CNTD1: variants seen among roughly 807,000 people sequenced by gnomAD.
CNTD1 encodes cyclin N-terminal domain-containing protein 1.
CNTD1 carries 17 observed loss-of-function variants against 36.3 expected under a neutral mutation model. The observed-to-expected ratio is 0.47, with a 90% confidence interval of 0.32 to 0.70. The LOEUF is 0.70. Ranked by LOEUF, CNTD1 falls within the 30% of genes least tolerant of loss-of-function variation. The pLI is 0.03. For missense variants in CNTD1, 338 were observed against 386.1 expected (o/e 0.88, Z 1.04); for synonymous variants, 128 against 153.3 (o/e 0.83, Z 1.22).
At position 42,806,704 on chromosome 17, in the gene CNTD1, G is replaced by T; in HGVS notation, c.611G>T (p.Arg204Met). The T allele has an allele frequency of 1.9e-6, 3 of 1,614,122 alleles. No homozygotes were observed. The highest frequency in any genetic ancestry group is 1.7e-6 in the Non-Finnish European group (2 of 1,180,014). ...AATGGCTGTTTGGTTCCAGCCATGAGGCTGCATGCAACCTGCCTGACACTG... is the reference window on the plus strand; with the variant it reads ...AATGGCTGTTTGGTTCCAGCCATGATGCTGCATGCAACCTGCCTGACACTG... ...GYNGCLVPAMRLHATCLTLLD... is the reference protein window; with the variant it reads ...GYNGCLVPAMMLHATCLTLLD... The change falls in exon 5 of 7, where the codon AGG (arginine) becomes ATG (methionine). Residue 204 changes from arginine (R) to methionine (M), a missense_variant. Physicochemically the swap from Arg to Met is moderately conservative, Grantham distance 91. Coordinates refer to ENST00000588408, the MANE Select transcript of CNTD1 (RefSeq NM_173478.3).
intron 5 of CNTD1, among the ~76,000 whole-genome samples, chr17:42,807,079 C>T (rs1319821335): frequency 4.6e-5 from 7 of 152,098 alleles, no homozygotes; most frequent in Admixed American, 3.9e-4. Flanking sequence ...TTTATAGCTG[C>T]ATAAAACTCA....
intron 1 of CNTD1, among the ~76,000 whole-genome samples, chr17:42,801,816 A>G (rs920464679): frequency 6.6e-6 from 1 of 152,008 alleles, no homozygotes; most frequent in Non-Finnish European, 1.5e-5. Flanking sequence ...CTTTGTGTTC[A>G]GGGAATTGGA....
Position 42,803,605 on chromosome 17 carries a change from T to C in CNTD1, c.170-15T>C. On this transcript the variant is annotated splice_polypyrimidine_tract_variant and intron_variant, in intron 1 of 6. Coordinates refer to ENST00000588408, the MANE Select transcript of CNTD1 (RefSeq NM_173478.3). ...TGCATCTTGTGAATTAGGCTCTTTT[T>C]TCCTGTTTTGGCAGAGTTTGTTTTT... The C allele has an allele frequency of 2.5e-6, 4 of 1,611,102 alleles. No homozygotes were observed. In the South Asian group the frequency reaches 4.4e-5, roughly 18 times the overall value.
chr17:42,807,577 T>C (rs1237907078), intron 5 of CNTD1, among the ~76,000 whole-genome samples, 191 bp from the exon 6 acceptor site: 2 of 152,176 alleles, frequency 1.3e-5, no homozygotes, highest in African/African-American at 4.8e-5. Context: ...ATAAGGCTCA[T>C]GTTAATCCCA....
chr17:42,811,230 G>A lies in CNTD1; in HGVS notation c.*1695G>A, dbSNP rs1463109514. 4.1e-5 allele frequency: 13 copies of A among 317,606 alleles called. No homozygotes were observed. The highest frequency in any genetic ancestry group is 1.6e-4 in the East Asian group (3 of 18,784). 19.7% of individuals were successfully genotyped at this position (317,606 alleles called of 1,614,324 possible). A position where few individuals can be genotyped will look rare whatever the true frequency, so the allele number is the denominator to read the frequency against. On this transcript the variant is annotated 3_prime_UTR_variant, in exon 7 of 7. Coordinates refer to ENST00000588408, the MANE Select transcript of CNTD1 (RefSeq NM_173478.3). ...TTTCCTAGGCATCCCTGAACTTGGC[G>A]GGGGAGAAAGGAGGCAGAAGAAAAG...
intron 5 of CNTD1, among the ~76,000 whole-genome samples, chr17:42,807,232 C>T (rs183588253): frequency 9.9e-5 from 15 of 151,940 alleles, no homozygotes; most frequent in Admixed American, 5.2e-4. Context: ...TGGCTAACAG[C>T]GTGAAACCAC....
At chr17:42,806,940 AC>A in intron 5 of CNTD1, 122 bp downstream of exon 5, 1 of 851,382 alleles carries the variant, frequency 1.2e-6, no homozygotes, top group Non-Finnish European at 1.8e-6. Context: ...TACTCAGGCT[AC>A]CTGGTTCTCA....
intron 1 of CNTD1, among the ~76,000 whole-genome samples, chr17:42,800,950 G>A (rs1415459744): frequency 1.3e-5 from 2 of 152,182 alleles, no homozygotes; most frequent in Admixed American, 1.3e-4. Context: ...ACTTTGAGAG[G>A]CTGAGGCGGG....
intron 4 of CNTD1, among the ~76,000 whole-genome samples, chr17:42,806,271 G>A (rs571348247): frequency 1.3e-5 from 2 of 151,926 alleles, no homozygotes; most frequent in East Asian, 3.9e-4. Context: ...ACAGTGGGCA[G>A]AACCTGCCAA....
At chr17:42,806,226 C>CAAAAAA (rs34561225) in intron 4 of CNTD1, among the ~76,000 whole-genome samples, 1,554 of 129,400 alleles carry the variant, frequency 0.012, 21 homozygotes, top group African/African-American at 0.041. Context: ...GACTCCTTCT[C>CAAAAAA]AAAAAAAAAA....
At position 42,805,890 on chromosome 17, in the gene CNTD1, T is replaced by A; in HGVS notation, c.580+6T>A. 1 of 1,607,308 alleles carries A rather than the reference T, an allele frequency of 6.2e-7. No individual in the cohort carries two copies. The highest frequency in any genetic ancestry group is 8.5e-7 in the Non-Finnish European group (1 of 1,177,026). Reference sequence around the variant, plus strand: ...GACGCTCCTAGAGGTTTTAGGTATCTTACTGTGTTAGGGAATATGGGTTGG... The same window carrying A: ...GACGCTCCTAGAGGTTTTAGGTATCATACTGTGTTAGGGAATATGGGTTGG... On this transcript the variant is annotated splice_donor_region_variant and intron_variant, in intron 4 of 6. Transcript: ENST00000588408.
At chr17:42,807,925 C>A in intron 6 of CNTD1, 61 bp downstream of exon 6, 2 of 1,311,848 alleles carry the variant, frequency 1.5e-6, no homozygotes, top group Non-Finnish European at 1.1e-6. Context: ...GCATTTCACC[C>A]ATCAGTTAAA....
intron 1 of CNTD1, among the ~76,000 whole-genome samples, chr17:42,802,252 AAG>A (rs1438414665): frequency 6.6e-6 from 1 of 152,106 alleles, no homozygotes; most frequent in Non-Finnish European, 1.5e-5. Context: ...AGTGATGGGA[AAG>A]AGAGAGGTTA....
At position 42,799,191 on chromosome 17, in the gene CNTD1, G is replaced by C; in HGVS notation, c.124G>C (p.Glu42Gln). The change falls in exon 1 of 7, where the codon GAG (glutamate) becomes CAG (glutamine). Residue 42 changes from glutamate to glutamine, a missense_variant. Coordinates refer to ENST00000588408, the MANE Select transcript of CNTD1 (RefSeq NM_173478.3). ...CCAGCAGAATGAGCAAGCAGTGAGG[G>C]AGGCTTCGGGGCGGCTGGGCCGCTT... ...LAQQNEQAVREASGRLGRFRE... is the reference protein window; with the variant it reads ...LAQQNEQAVRQASGRLGRFRE... 1 of 1,614,126 alleles carries C rather than the reference G, an allele frequency of 6.2e-7. No individual in the cohort carries two copies. Among genetic ancestry groups the C allele is most frequent in the South Asian group, 1.1e-5 (1 of 91,078 alleles).
In CNTD1 at chr17:42,811,177, G is replaced by T. The variant is rs746644776; in HGVS notation, c.*1642G>T. ...GAGAAGAGAAGCCTGGAGTAGGGGT[G>T]AGTGAGGGTTACAGTACTTCTTGCT... On this transcript the variant is annotated 3_prime_UTR_variant, in exon 7 of 7. Transcript: ENST00000588408. The T allele has an allele frequency of 7.7e-6, 3 of 388,456 alleles. No individual in the cohort carries two copies. Among genetic ancestry groups the T allele is most frequent in the Non-Finnish European group, 9.0e-6 (2 of 221,016 alleles). 24.1% of individuals were successfully genotyped at this position (388,456 alleles called of 1,614,324 possible).
chr17:42,801,868 C>T (rs2054802105), intron 1 of CNTD1, among the ~76,000 whole-genome samples: 1 of 151,928 alleles, frequency 6.6e-6, no homozygotes, highest in African/African-American at 2.4e-5. Flanking sequence ...GAGATAGGAA[C>T]AGAACCAAGG....
Position 42,805,707 on chromosome 17 carries a change from C to A in CNTD1, c.418-15C>A. ...TATCCTAACATTCTTCTTTCCCTCT[C>A]TTTTCTTTGCTCAGATAATCAGCAA... is the stretch of plus-strand genomic sequence containing the variant. On this transcript the variant is annotated splice_polypyrimidine_tract_variant and intron_variant, in intron 3 of 6. Coordinates refer to ENST00000588408, the MANE Select transcript of CNTD1 (RefSeq NM_173478.3). 6.2e-7 allele frequency: 1 copy of A among 1,605,428 alleles called. No individual in the cohort carries two copies. The highest frequency in any genetic ancestry group is 1.1e-5 in the South Asian group (1 of 89,862).
intron 6 of CNTD1, 81 bp from the exon 7 acceptor site, chr17:42,809,284 C>A: frequency 7.7e-7 from 1 of 1,293,932 alleles, no homozygotes; most frequent in Non-Finnish European, 1.1e-6. Context: ...CTTGAGAGAA[C>A]ATCCCAAGTA....
chr17:42,808,450 C>T (rs2054917524), intron 6 of CNTD1, among the ~76,000 whole-genome samples: 1 of 151,140 alleles, frequency 6.6e-6, no homozygotes, highest in Non-Finnish European at 1.5e-5. Context: ...ACCCAGGAGG[C>T]CAAGGTAGAA....
Sources: allele counts gnomAD v4.1 joint callset (sites outside exome capture counted in the v4.1 genomes callset), GRCh38; gene constraint gnomAD v4.1.1; transcripts MANE v1.5; gene names NCBI Gene and HGNC (gene_info 2026-07-23, HGNC 2026-07-21).